The following MAP3K9 variants were observed in gnomAD, a reference collection of about 807,000 sequenced individuals.
MAP3K9 encodes mixed lineage kinase 1 (tyr and ser/thr specificity).
In MAP3K9, 46 loss-of-function variants were observed where a neutral mutation model predicts 95.8. The observed-to-expected ratio is 0.48, with a 90% confidence interval of 0.38 to 0.61. MAP3K9 has a LOEUF of 0.61. MAP3K9 is among the 20% of genes least tolerant of loss of function. MAP3K9 has a pLI of 0.00. For missense variants in MAP3K9, 1,296 were observed against 1,474.3 expected (o/e 0.88, Z 1.98); for synonymous variants, 533 against 593.8 (o/e 0.90, Z 1.49).
intron 2 of MAP3K9, among the ~76,000 whole-genome samples, chr14:70,781,455 T>A (rs2054674935): frequency 6.6e-6 from 1 of 152,202 alleles, no homozygotes; most frequent in Non-Finnish European, 1.5e-5. Flanking sequence ...CCATCCCTAA[T>A]GAGCTCTTTC....
At chr14:70,745,047 G>T (rs1304288786) in intron 5 of MAP3K9, among the ~76,000 whole-genome samples, 1 of 152,114 alleles carries the variant, frequency 6.6e-6, no homozygotes, top group Admixed American at 6.5e-5. Flanking sequence ...AACAAAGCAT[G>T]CCTACAAAAT....
intron 3 of MAP3K9, among the ~76,000 whole-genome samples, chr14:70,757,035 C>T (rs1200786673): frequency 6.6e-6 from 1 of 152,122 alleles, no homozygotes; most frequent in Non-Finnish European, 1.5e-5. Flanking sequence ...CTCATTTCTT[C>T]TCATTAGCTA....
chr14:70,734,270 C>A, intron 10 of MAP3K9, 116 bp downstream of exon 10: 1 of 743,910 alleles, frequency 1.3e-6, no homozygotes, highest in Non-Finnish European at 2.4e-6. Context: ...AAAACATTCC[C>A]AATGTTTCCT....
chr14:70,748,732 A>G, intron 5 of MAP3K9, 97 bp downstream of exon 5: 1 of 896,702 alleles, frequency 1.1e-6, no homozygotes. Flanking sequence ...GGTCAGTCAG[A>G]CTCGGTCCAG....
In MAP3K9 at chr14:70,783,360, C is replaced by T. The variant is rs578243173; in HGVS notation, c.820+17307G>A. 2.7e-5 allele frequency: 27 copies of T among 985,316 alleles called. No individual in the cohort carries two copies. The South Asian group carries it at 1.2e-3, about 45-fold the overall frequency. The allele number at this position is 985,316 out of a possible 1,614,324, so 61.0% of individuals were successfully genotyped here. ...AGGTTTCATATGATCCACAGCAACG[C>T]TTCCTCAAATACCCCTTTTTAATTC... On this transcript the variant is annotated intron_variant, in intron 2 of 11. Transcript: ENST00000554752.
intron 3 of MAP3K9, among the ~76,000 whole-genome samples, chr14:70,756,795 AG>A: frequency 6.6e-6 from 1 of 152,348 alleles, no homozygotes; most frequent in Non-Finnish European, 1.5e-5. Flanking sequence ...CTATTTAGCT[AG>A]TTTTTGAAAG....
rs756820633 is a variant in MAP3K9, at chr14:70,732,961, C to T, written c.2408G>A (p.Arg803His). 17 of 1,613,942 alleles carry T rather than the reference C, an allele frequency of 1.1e-5. No homozygotes were observed. The highest frequency in any genetic ancestry group is 8.3e-5 in the Admixed American group (5 of 59,996). Residue 803 changes from arginine to histidine, a missense_variant, in exon 11 of 12, where the codon CGT becomes CAT. This residue lies in a region of MAP3K9 where 433 missense variants were observed against 441.4 expected (regional missense o/e 0.98). Transcript: ENST00000554752. ...RREGLFQRSS[R>H]PRRSTSPPSR... The stretch of plus-strand genomic sequence containing the variant: ...TGGGGGGCTGGTGCTCCGACGAGGA[C>T]GGCTGGACCTCTGAAAAAGACCCTC...
At chr14:70,736,789 G>A (rs1309773503) in intron 8 of MAP3K9, among the ~76,000 whole-genome samples, 1 of 152,146 alleles carries the variant, frequency 6.6e-6, no homozygotes, top group Non-Finnish European at 1.5e-5. Flanking sequence ...CATCCCCCAA[G>A]GATTCCATCG....
chr14:70,742,092 A>G (rs769806418), intron 6 of MAP3K9, among the ~76,000 whole-genome samples: 2 of 152,200 alleles, frequency 1.3e-5, no homozygotes, highest in Non-Finnish European at 2.9e-5. Flanking sequence ...GTGAGCCACC[A>G]GGCTTCTAGC....
chr14:70,795,089 G>A (rs974790340), intron 2 of MAP3K9, among the ~76,000 whole-genome samples: 5 of 146,240 alleles, frequency 3.4e-5, no homozygotes, highest in African/African-American at 1.3e-4. Context: ...CGCCTCCCGG[G>A]TTCAAGTGAT....
At chr14:70,801,201 C>A (rs1211963512) in intron 1 of MAP3K9, 121 bp from the exon 2 acceptor site, 2 of 927,510 alleles carry the variant, frequency 2.2e-6, no homozygotes, top group African/African-American at 3.3e-5. Context: ...CTTTCTGTCT[C>A]CCCATTATAA....
At chr14:70,745,383 C>T (rs916998481) in intron 5 of MAP3K9, among the ~76,000 whole-genome samples, 3 of 152,238 alleles carry the variant, frequency 2.0e-5, no homozygotes, top group African/African-American at 2.4e-5. Flanking sequence ...TATTCTGATG[C>T]TATAAACTCT....
intron 1 of MAP3K9, among the ~76,000 whole-genome samples, chr14:70,807,317 T>C (rs1198994485): frequency 1.3e-5 from 2 of 152,064 alleles, no homozygotes; most frequent in African/African-American, 2.4e-5. Flanking sequence ...ATGGTGAACC[T>C]CATCTCTACT....
intron 1 of MAP3K9, among the ~76,000 whole-genome samples, chr14:70,806,238 C>T (rs926658521): frequency 6.6e-6 from 1 of 152,186 alleles, no homozygotes; most frequent in Non-Finnish European, 1.5e-5. Context: ...CATGTTCACC[C>T]TCTGATGAAC....
At chr14:70,734,187 A>G (rs567979939) in intron 10 of MAP3K9, among the ~76,000 whole-genome samples, 199 bp downstream of exon 10, 21 of 152,350 alleles carry the variant, frequency 1.4e-4, no homozygotes, top group African/African-American at 4.6e-4. Flanking sequence ...CTCCCTCTGG[A>G]GAACCCTGAC....
chr14:70,797,641 G>A (rs1480419309), intron 2 of MAP3K9, among the ~76,000 whole-genome samples: 8 of 152,024 alleles, frequency 5.3e-5, no homozygotes, highest in Non-Finnish European at 1.2e-4. Context: ...AGGAGGCCGA[G>A]GCAGGAGAAT....
chr14:70,746,615 A>G (rs141272854), intron 5 of MAP3K9, among the ~76,000 whole-genome samples: 43 of 152,372 alleles, frequency 2.8e-4, no homozygotes, highest in African/African-American at 1.0e-3. Context: ...GTCTTGGACA[A>G]GTTAATAAGG....
intron 2 of MAP3K9, among the ~76,000 whole-genome samples, chr14:70,777,828 C>T (rs1446901102): frequency 1.3e-5 from 2 of 152,212 alleles, no homozygotes; most frequent in South Asian, 4.1e-4. Flanking sequence ...ACATAACCAA[C>T]ATCCAAGACC....
At chr14:70,791,633 C>T (rs535891942) in intron 2 of MAP3K9, among the ~76,000 whole-genome samples, 11 of 152,348 alleles carry the variant, frequency 7.2e-5, no homozygotes, top group African/African-American at 2.4e-4. Flanking sequence ...CCTCCTTGCC[C>T]CACCTTCCCT....
Sources: gnomAD v4.1 joint callset for allele counts (sites outside exome capture counted in the v4.1 genomes callset) on GRCh38, gnomAD v4.1.1 for gene constraint, gnomAD v4.1.1 regional missense constraint, MANE v1.5 for transcripts, NCBI Gene and HGNC (gene_info 2026-07-23, HGNC 2026-07-21) for gene names.